NR2F1-AS1: variants seen among roughly 807,000 people sequenced by gnomAD.
NR2F1-AS1 encodes the protein NR2F1 regulatory antisense RNA 1.
rs187044432 is a variant in NR2F1-AS1 at position 93,479,863 on chromosome 5, C to A, written n.638+73898G>T. ...AGAAATTATTTTTTTTTAAAAAGAA[C>A]ACAGTAGAAATAATGGAGATGAAAA... is the stretch of plus-strand genomic sequence containing the variant. On this transcript the variant is annotated intron_variant and non_coding_transcript_variant, in intron 4 of 5. Coordinates refer to ENST00000660523, the Ensembl canonical transcript of NR2F1-AS1. Among the ~76,000 whole-genome samples, 21 of 151,412 alleles carry A rather than the reference C, an allele frequency of 1.4e-4. No homozygotes were observed. The East Asian group carries it at 3.9e-3, about 28-fold the overall frequency.
At chr5:93,527,587 C>G (rs1225487318) in intron 4 of NR2F1-AS1, among the ~76,000 whole-genome samples, 1 of 152,198 alleles carries the variant, frequency 6.6e-6, no homozygotes, top group Non-Finnish European at 1.5e-5. Context: ...TGCTACCTGA[C>G]TTCAAACTAT....
chr5:93,576,279 A>G (rs531641004), intron 1 of NR2F1-AS1, among the ~76,000 whole-genome samples: 1 of 152,330 alleles, frequency 6.6e-6, no homozygotes, highest in East Asian at 1.9e-4. Context: ...TTGTTAGATC[A>G]TGCATTCAGA....
chr5:93,476,719 G>A (rs1054150212), intron 4 of NR2F1-AS1, among the ~76,000 whole-genome samples: 3 of 151,936 alleles, frequency 2.0e-5, no homozygotes, highest in African/African-American at 4.8e-5. Flanking sequence ...TACTTCACAC[G>A]AGCACAGCAG....
intron 4 of NR2F1-AS1, among the ~76,000 whole-genome samples, chr5:93,425,632 C>T (rs949673127): frequency 1.6e-4 from 25 of 152,254 alleles, no homozygotes; most frequent in African/African-American, 5.3e-4. Flanking sequence ...TCACTTAAAA[C>T]GAACTCTCAA....
At position 93,579,413 on chromosome 5, in the gene NR2F1-AS1, C is replaced by T. The variant is rs1182295775; in HGVS notation, n.313+1054G>A. Among the ~76,000 whole-genome samples the T allele has an allele frequency of 6.6e-6, 1 of 152,188 alleles. No individual in the cohort carries two copies. The highest frequency in any genetic ancestry group is 6.5e-5 in the Admixed American group (1 of 15,284). On this transcript the variant is annotated intron_variant and non_coding_transcript_variant, in intron 1 of 5. Coordinates refer to ENST00000660523, the Ensembl canonical transcript of NR2F1-AS1. This position sits in a 1 kb window ranked among gnomAD's most constrained non-coding sequence, Gnocchi z 5.1. The stretch of plus-strand genomic sequence containing the variant: ...CCCCACCGCTAGGGTCACGCCGGGT[C>T]CCAGGGGCCTCTTTCAAGTTTGAAA...
chr5:93,459,716 C>T (rs764773765), intron 4 of NR2F1-AS1, among the ~76,000 whole-genome samples: 1 of 152,130 alleles, frequency 6.6e-6, no homozygotes, highest in Admixed American at 6.5e-5. Context: ...AGCAGAAAGC[C>T]TCATACTGTC....
intron 4 of NR2F1-AS1, among the ~76,000 whole-genome samples, chr5:93,429,029 T>G (rs368048150): frequency 6.6e-6 from 1 of 152,194 alleles, no homozygotes; most frequent in Non-Finnish European, 1.5e-5. Context: ...CAGACTGGCT[T>G]CATCTTTCTT....
chr5:93,497,633 C>A (rs893715789), intron 4 of NR2F1-AS1, among the ~76,000 whole-genome samples: 3 of 151,994 alleles, frequency 2.0e-5, no homozygotes, highest in Non-Finnish European at 4.4e-5. Flanking sequence ...TTGTTGCTAC[C>A]TATAAATTCA....
chr5:93,527,499 T>C (rs1310783797), intron 4 of NR2F1-AS1, among the ~76,000 whole-genome samples: 1 of 152,166 alleles, frequency 6.6e-6, no homozygotes, highest in Non-Finnish European at 1.5e-5. Flanking sequence ...AAAACTACTT[T>C]AAACTTCATA....
chr5:93,512,641 C>T (rs1303779466), intron 4 of NR2F1-AS1, among the ~76,000 whole-genome samples: 1 of 152,144 alleles, frequency 6.6e-6, no homozygotes, highest in African/African-American at 2.4e-5. Context: ...GTCCTGCAAG[C>T]TCCACTCACA....
chr5:93,478,780 GTT>G (rs1750541011), intron 4 of NR2F1-AS1, among the ~76,000 whole-genome samples: 1 of 152,154 alleles, frequency 6.6e-6, no homozygotes. Flanking sequence ...TATTTGAACA[GTT>G]TATAAATATT....
rs550282121 is a variant in NR2F1-AS1 at position 93,552,775 on chromosome 5, G to C, written n.638+986C>G. Among the ~76,000 whole-genome samples, 12 of 151,714 alleles carry C rather than the reference G, an allele frequency of 7.9e-5. No individual in the cohort carries two copies. The East Asian group carries it at 1.9e-3, about 24-fold the overall frequency. On this transcript the variant is annotated intron_variant and non_coding_transcript_variant, in intron 4 of 5. Transcript: ENST00000660523. ...CAAGTGAAAGCAACTAGAATAAAGA[G>C]GGCCAAAGCAACATAAGTGACTGTA...
chr5:93,424,187 A>G (rs1314394905), intron 4 of NR2F1-AS1, among the ~76,000 whole-genome samples: 1 of 152,132 alleles, frequency 6.6e-6, no homozygotes, highest in Non-Finnish European at 1.5e-5. Context: ...GACTTCAACT[A>G]CATGCCAACT....
At position 93,458,965 on chromosome 5, in the gene NR2F1-AS1, T is replaced by C. The variant is rs190021471; in HGVS notation, n.639-63423A>G. On this transcript the variant is annotated intron_variant and non_coding_transcript_variant, in intron 4 of 5. Transcript: ENST00000660523. ...AGGCAAAGGTTGCAGTGAGCCGAGA[T>C]CACACCATTGCACTCCAGCCTGAGC... 2.4e-3 allele frequency among the ~76,000 whole-genome samples: 361 copies of C among 151,114 alleles called. 2 individuals carry two copies. The highest frequency in any genetic ancestry group is 4.2e-3 in the Non-Finnish European group (286 of 67,760).
intron 4 of NR2F1-AS1, among the ~76,000 whole-genome samples, chr5:93,547,883 A>C (rs1752125699): frequency 6.6e-6 from 1 of 152,234 alleles, no homozygotes; most frequent in Admixed American, 6.5e-5. Context: ...TGACAAATAC[A>C]ATATAAATTT....
At chr5:93,567,027 T>C (rs954304150) in intron 1 of NR2F1-AS1, among the ~76,000 whole-genome samples, 2 of 152,092 alleles carry the variant, frequency 1.3e-5, no homozygotes, top group African/African-American at 4.8e-5. Flanking sequence ...ATACTACTTT[T>C]ATCAGAAAAA....
At chr5:93,467,316 C>T (rs1476751959) in intron 4 of NR2F1-AS1, among the ~76,000 whole-genome samples, 2 of 152,172 alleles carry the variant, frequency 1.3e-5, no homozygotes, top group African/African-American at 2.4e-5. Context: ...TCACCCCTTC[C>T]AGTTTTTATG....
Position 93,563,301 on chromosome 5 carries a change from T to C in NR2F1-AS1, n.413+63A>G, listed in dbSNP as rs1387132422. 2.6e-5 allele frequency: 4 copies of C among 152,260 alleles called. No individual in the cohort carries two copies. The East Asian group carries it at 7.7e-4, about 29-fold the overall frequency. The allele number at this position is 152,260 out of a possible 1,614,324, so 9.4% of individuals were successfully genotyped here. A position where few individuals can be genotyped will look rare whatever the true frequency, so the allele number is the denominator to read the frequency against. ...ACTACACAATGACTATATATTCTTG[T>C]GTTTCACTAGGGTCTCTGGTTTTAG... is the stretch of plus-strand genomic sequence containing the variant. On this transcript the variant is annotated intron_variant and non_coding_transcript_variant, in intron 2 of 5. Transcript: ENST00000660523.
At chr5:93,466,916 G>A (rs550128965) in intron 4 of NR2F1-AS1, among the ~76,000 whole-genome samples, 6 of 123,102 alleles carry the variant, frequency 4.9e-5, no homozygotes, top group African/African-American at 8.5e-5. Context: ...GGGGGGGGGG[G>A]GGTGGACGGA....
Sources: allele counts gnomAD v4.1 joint callset (sites outside exome capture counted in the v4.1 genomes callset), GRCh38; gene constraint gnomAD v4.1.1; non-coding constraint Gnocchi (gnomAD v3.1); transcripts MANE v1.5; gene names NCBI Gene and HGNC (gene_info 2026-07-23, HGNC 2026-07-21).